TMOD1: variants seen among roughly 807,000 people sequenced by gnomAD.
TMOD1 encodes the protein tropomodulin-1.
A neutral mutation model predicts 40.6 loss-of-function variants in TMOD1; 17 were observed. That is an observed-to-expected ratio of 0.42 (90% confidence interval 0.29 to 0.63). The LOEUF (loss-of-function observed/expected upper bound fraction) is 0.63, where lower values mean the gene tolerates loss of function less well. TMOD1 is among the 20% of genes least tolerant of loss of function. The probability of loss-of-function intolerance (pLI) is 0.22; values close to 1 mark genes in which losing one functional copy is unlikely to be tolerated. For missense variants in TMOD1, 391 were observed against 447.6 expected (o/e 0.87, Z 1.14); for synonymous variants, 181 against 175.0 (o/e 1.03, Z -0.27).
rs1563990791 is a variant in TMOD1 at position 97,559,835 on chromosome 9, CTATCTATCTATCTA to C, written c.398-2895_398-2882del. On this transcript the variant is annotated intron_variant, in intron 4 of 9. Coordinates refer to ENST00000259365, the MANE Select transcript of TMOD1 (RefSeq NM_003275.4). ...TATATATATATATATGTCTATCTAT[CTATCTATCTATCTA>C]TCTCCAGAGATTCTGATTGGTTGGT... Among the ~76,000 whole-genome samples the C allele has an allele frequency of 9.2e-4, 44 of 47,750 alleles. 1 individual carries two copies. The highest frequency in any genetic ancestry group is 2.5e-3 in the African/African-American group (25 of 9,924). The allele number at this position is 47,750 out of a possible 152,430, so 31.3% of individuals were successfully genotyped here. A position where few individuals can be genotyped will look rare whatever the true frequency, so the allele number is the denominator to read the frequency against.
chr9:97,600,531 T>C lies in TMOD1; in HGVS notation c.*833T>C, dbSNP rs1826233555. ...TACTTTTGAAAACACCTTTCTATATTGCACAGTGGGCAAATGGCTTATGTG... is the reference window on the plus strand; with the variant it reads ...TACTTTTGAAAACACCTTTCTATATCGCACAGTGGGCAAATGGCTTATGTG... On this transcript the variant is annotated 3_prime_UTR_variant, in exon 10 of 10. Transcript: ENST00000259365. 5.1e-6 allele frequency: 5 copies of C among 985,954 alleles called. No individual in the cohort carries two copies. The highest frequency in any genetic ancestry group is 6.0e-6 in the Non-Finnish European group (5 of 830,342). The allele number at this position is 985,954 out of a possible 1,614,324, so 61.1% of individuals were successfully genotyped here.
chr9:97,591,588 T>C lies in TMOD1; in HGVS notation c.1015+153T>C, dbSNP rs142211275. Among the ~76,000 whole-genome samples, 247 of 152,352 alleles carry C rather than the reference T, an allele frequency of 1.6e-3. 1 individual carries two copies. Among genetic ancestry groups the C allele is most frequent in the African/African-American group, 5.7e-3 (235 of 41,580 alleles). On this transcript the variant is annotated intron_variant, in intron 9 of 9. Transcript: ENST00000259365. ...GCGTCTTCCTTGTTTTCTGTGTTTGTACCTCATCTCCACCCTGGACTACGA... is the reference window on the plus strand; with the variant it reads ...GCGTCTTCCTTGTTTTCTGTGTTTGCACCTCATCTCCACCCTGGACTACGA...
At position 97,559,788 on chromosome 9, in the gene TMOD1, A is replaced by ATAT. The variant is rs1399142102; in HGVS notation, c.398-2944_398-2943insTAT. Among the ~76,000 whole-genome samples the ATAT allele has an allele frequency of 9.7e-5, 5 of 51,296 alleles. No individual in the cohort carries two copies. The East Asian group carries it at 2.0e-3, about 20-fold the overall frequency. 33.7% of individuals were successfully genotyped at this position (51,296 alleles called of 152,430 possible). A position where few individuals can be genotyped will look rare whatever the true frequency, so the allele number is the denominator to read the frequency against. ...TCAAAAATTTAAAAAAAAAAAAAAAAAAAAAAATATATATATATATATATA... is the reference window on the plus strand; with the variant it reads ...TCAAAAATTTAAAAAAAAAAAAAAAATATAAAAAAATATATATATATATATATA... On this transcript the variant is annotated intron_variant, in intron 4 of 9. Coordinates refer to ENST00000259365, the MANE Select transcript of TMOD1 (RefSeq NM_003275.4).
intron 8 of TMOD1, among the ~76,000 whole-genome samples, chr9:97,580,019 C>G (rs1825708758): frequency 6.6e-6 from 1 of 151,974 alleles, no homozygotes; most frequent in Non-Finnish European, 1.5e-5. Flanking sequence ...GATAAACAGG[C>G]CGAGTAAGGA....
chr9:97,532,366 C>G (rs1351313943), intron 2 of TMOD1, among the ~76,000 whole-genome samples: 1 of 152,042 alleles, frequency 6.6e-6, no homozygotes, highest in Non-Finnish European at 1.5e-5. Context: ...CCTGGAACCC[C>G]TCACTTCCTC....
intron 3 of TMOD1, 22 bp from the exon 4 acceptor site, chr9:97,553,259 C>T: frequency 6.2e-7 from 1 of 1,613,526 alleles, no homozygotes; most frequent in Non-Finnish European, 8.5e-7. Flanking sequence ...ACTCCCGTAA[C>T]AGGTCCCCTG....
At chr9:97,519,871 G>A (rs1028768182) in intron 1 of TMOD1, among the ~76,000 whole-genome samples, 3 of 152,060 alleles carry the variant, frequency 2.0e-5, no homozygotes, top group African/African-American at 7.2e-5. Flanking sequence ...GCTAATATCT[G>A]TGAAGCCAGT....
At chr9:97,581,138 G>GC (rs1355731501) in intron 8 of TMOD1, among the ~76,000 whole-genome samples, 1 of 73,950 alleles carries the variant, frequency 1.4e-5, no homozygotes, top group Non-Finnish European at 2.6e-5. Context: ...ATGCTATCCC[G>GC]CCCCCCTCCC....
chr9:97,579,598 C>G (rs995979808), intron 8 of TMOD1, among the ~76,000 whole-genome samples: 9 of 152,188 alleles, frequency 5.9e-5, no homozygotes, highest in Non-Finnish European at 1.3e-4. Flanking sequence ...CAGTGGCTAT[C>G]AAGCACTAGA....
chr9:97,555,725 A>C, intron 4 of TMOD1: 5 of 1,518,464 alleles, frequency 3.3e-6, no homozygotes, highest in Non-Finnish European at 4.5e-6. Context: ...AGTTGCTCTC[A>C]AGACCTTATT....
rs1156535403 is a variant in TMOD1 at position 97,565,955 on chromosome 9, T to C, written c.726T>C (p.Tyr242=). The C allele has an allele frequency of 3.1e-6, 5 of 1,612,968 alleles. No homozygotes were observed. The highest frequency in any genetic ancestry group is 1.1e-5 in the South Asian group (1 of 90,960). The change falls in exon 7 of 10, where the codon TAT becomes TAC. Residue 242 remains tyrosine (Y), a splice_region_variant and synonymous_variant. Coordinates refer to ENST00000259365, the MANE Select transcript of TMOD1 (RefSeq NM_003275.4). ...VGTRSNDPVA[Y]ALAEMLKENK... ...CACGGAGTAATGACCCCGTGGCGTA[T>C]GTATGTACCTTTCTGTTCTGTTGCA...
At chr9:97,523,986 A>T (rs1277308925) in intron 1 of TMOD1, among the ~76,000 whole-genome samples, 155 bp from the exon 2 acceptor site, 11 of 152,236 alleles carry the variant, frequency 7.2e-5, no homozygotes, top group Non-Finnish European at 4.4e-5. Flanking sequence ...TTTATTAGAG[A>T]ATTAGCCAAA....
intron 6 of TMOD1, among the ~76,000 whole-genome samples, chr9:97,565,027 TA>T (rs1830706134): frequency 6.6e-6 from 1 of 152,202 alleles, no homozygotes; most frequent in Non-Finnish European, 1.5e-5. Context: ...CCATGGGAGC[TA>T]AAGTGACGCT....
At chr9:97,540,247 G>A (rs1190093608) in intron 2 of TMOD1, among the ~76,000 whole-genome samples, 3 of 152,128 alleles carry the variant, frequency 2.0e-5, no homozygotes, top group African/African-American at 7.2e-5. Flanking sequence ...GCACAATTCC[G>A]GAGGCTTAGA....
intron 3 of TMOD1, among the ~76,000 whole-genome samples, chr9:97,548,989 G>A (rs1830409393): frequency 6.6e-6 from 1 of 152,092 alleles, no homozygotes; most frequent in Non-Finnish European, 1.5e-5. Flanking sequence ...GGGCTGCTGG[G>A]AAACAGCACC....
chr9:97,592,022 T>A (rs1231768328), intron 9 of TMOD1, among the ~76,000 whole-genome samples: 2 of 151,588 alleles, frequency 1.3e-5, no homozygotes, highest in African/African-American at 4.9e-5. Flanking sequence ...CAGGAAATTT[T>A]AAAAAATAAA....
chr9:97,565,521 C>G (rs1212783354), intron 6 of TMOD1, among the ~76,000 whole-genome samples: 1 of 152,040 alleles, frequency 6.6e-6, no homozygotes, highest in African/African-American at 2.4e-5. Flanking sequence ...GGACCAAGGC[C>G]AGGTTCCAGC....
At chr9:97,519,895 C>G (rs953267339) in intron 1 of TMOD1, among the ~76,000 whole-genome samples, 14 of 152,120 alleles carry the variant, frequency 9.2e-5, no homozygotes, top group African/African-American at 3.1e-4. Flanking sequence ...CTGCACCAGT[C>G]AACCCCAGGC....
intron 2 of TMOD1, among the ~76,000 whole-genome samples, chr9:97,542,861 A>G (rs1178348272): frequency 1.3e-5 from 2 of 151,954 alleles, no homozygotes; most frequent in Admixed American, 1.3e-4. Context: ...AAAAAAAAAA[A>G]AAAAAAGGAA....
Sources: allele counts gnomAD v4.1 joint callset (sites outside exome capture counted in the v4.1 genomes callset), GRCh38; gene constraint gnomAD v4.1.1; transcripts MANE v1.5; gene names NCBI Gene and HGNC (gene_info 2026-07-23, HGNC 2026-07-21).